Variants in FAM135B observed in about 807,000 individuals in gnomAD.
The protein encoded by FAM135B is protein FAM135B.
In FAM135B, 43 loss-of-function variants were observed where a neutral mutation model predicts 127.7. The observed-to-expected ratio is 0.34, with a 90% CI of 0.26 to 0.43. The LOEUF is 0.43. Ranked by LOEUF, FAM135B falls within the 20% of genes least tolerant of loss-of-function variation. The pLI is 1.00. For synonymous variants in FAM135B, 670 were observed against 665.1 expected, an observed-to-expected ratio of 1.01 and a Z score of -0.11; for missense variants, 1,558 against 1,725.6, an observed-to-expected ratio of 0.90 and a Z score of 1.72.
chr8:138,336,397 A>G (rs1214806813), intron 2 of FAM135B, among the ~76,000 whole-genome samples: 1 of 152,212 alleles, frequency 6.6e-6, no homozygotes, highest in Non-Finnish European at 1.5e-5. Flanking sequence ...AGAATCAAAT[A>G]GACGCAATAA....
chr8:138,421,903 C>A (rs1222122033), intron 1 of FAM135B, among the ~76,000 whole-genome samples: 1 of 152,096 alleles, frequency 6.6e-6, no homozygotes, highest in Admixed American at 6.5e-5. Context: ...GCTACAGAAA[C>A]CAAAACAGCA....
chr8:138,152,542 T>C lies in FAM135B; in HGVS notation c.1933A>G (p.Ser645Gly), dbSNP rs756192058. The C allele has an allele frequency of 3.3e-5, 53 of 1,614,048 alleles. No individual in the cohort carries two copies. The highest frequency in any genetic ancestry group is 4.2e-5 in the Non-Finnish European group (49 of 1,180,034). ...LTPSEPCDPL[S>G]STLREPLDIR... ...TCTAAGGGCTCCCTCAGGGTAGAAC[T>C]TAGTGGATCACAGGGCTCAGAGGGG... Residue 645 changes from serine to glycine, a missense_variant, in exon 13 of 20, where the codon AGT becomes GGT. By Grantham distance (56) the Ser-to-Gly change is moderately conservative (BLOSUM62 0). Around this residue, in one of 5 missense-constraint regions of FAM135B, gnomAD observed 923 missense variants for 865.3 expected, o/e 1.07. Transcript: ENST00000395297.
chr8:138,394,397 C>G (rs1832751357), intron 1 of FAM135B, among the ~76,000 whole-genome samples: 2 of 152,112 alleles, frequency 1.3e-5, no homozygotes, highest in South Asian at 4.1e-4. Flanking sequence ...ACTCTTCTCC[C>G]CATTTGACTG....
At chr8:138,153,625 C>G (rs1818399852) in intron 12 of FAM135B, among the ~76,000 whole-genome samples, 1 of 152,214 alleles carries the variant, frequency 6.6e-6, no homozygotes, top group African/African-American at 2.4e-5. Context: ...GCAAACGGCA[C>G]ACCAGGAGAT....
chr8:138,300,570 A>G (rs1563873185), intron 3 of FAM135B, among the ~76,000 whole-genome samples: 2 of 152,148 alleles, frequency 1.3e-5, no homozygotes, highest in East Asian at 3.9e-4. Context: ...ATTTCTTCTT[A>G]TAACTGTTAA....
At chr8:138,266,384 T>A (rs1023947417) in intron 3 of FAM135B, among the ~76,000 whole-genome samples, 1 of 152,014 alleles carries the variant, frequency 6.6e-6, no homozygotes, top group Non-Finnish European at 1.5e-5. Context: ...TTTAAAGGAA[T>A]TGGTTTAGCT....
chr8:138,281,585 C>T (rs1401183992), intron 3 of FAM135B, among the ~76,000 whole-genome samples: 1 of 152,078 alleles, frequency 6.6e-6, no homozygotes, highest in Non-Finnish European at 1.5e-5. Context: ...TGTTCCACTC[C>T]TCCCCCTTGA....
At chr8:138,426,118 A>ATGTG (rs36037032) in intron 1 of FAM135B, among the ~76,000 whole-genome samples, 38 of 120,044 alleles carry the variant, frequency 3.2e-4, no homozygotes, top group African/African-American at 1.2e-3. Context: ...ATATACACAT[A>ATGTG]TGTGTGTGTG....
intron 19 of FAM135B, among the ~76,000 whole-genome samples, chr8:138,134,617 T>C (rs2130510369): frequency 6.6e-6 from 1 of 152,270 alleles, no homozygotes; most frequent in African/African-American, 2.4e-5. Flanking sequence ...GAAGGTTATG[T>C]GAAGTCAGAG....
In FAM135B at chr8:138,497,190, A is replaced by G. The variant is rs1815430993; in HGVS notation, c.-539T>C. The stretch of plus-strand genomic sequence containing the variant: ...CGCCGCGCGCCCTCGCGGCCGGGAG[A>G]GCCCGCCCTGCTGCTCCCGCTGGCT... On this transcript the variant is annotated 5_prime_UTR_variant, in exon 1 of 20. Coordinates refer to ENST00000395297, the MANE Select transcript of FAM135B (RefSeq NM_015912.4). Among the ~76,000 whole-genome samples, 1 of 150,758 alleles carries G rather than the reference A, an allele frequency of 6.6e-6. No homozygotes were observed. Among genetic ancestry groups the G allele is most frequent in the Non-Finnish European group, 1.5e-5 (1 of 67,644 alleles).
chr8:138,334,945 T>C (rs539878932), intron 2 of FAM135B, among the ~76,000 whole-genome samples: 1 of 152,350 alleles, frequency 6.6e-6, no homozygotes, highest in South Asian at 2.1e-4. Flanking sequence ...CAGAATCTTA[T>C]TTTTGTTTAA....
intron 7 of FAM135B, among the ~76,000 whole-genome samples, chr8:138,230,325 C>A (rs1230057470): frequency 6.6e-6 from 1 of 152,140 alleles, no homozygotes; most frequent in Non-Finnish European, 1.5e-5. Context: ...GTGATGGGTG[C>A]TGGGTTGGCA....
At chr8:138,363,505 T>G in intron 2 of FAM135B, among the ~76,000 whole-genome samples, 1 of 152,162 alleles carries the variant, frequency 6.6e-6, no homozygotes, top group Admixed American at 6.5e-5. Flanking sequence ...GCATGAGTCT[T>G]ACTGCTGAAT....
Position 138,422,598 on chromosome 8 carries a change from A to C in FAM135B, c.-19-54596T>G, listed in dbSNP as rs1381808642. 2.6e-5 allele frequency among the ~76,000 whole-genome samples: 4 copies of C among 152,216 alleles called. No individual in the cohort carries two copies. The East Asian group carries it at 7.7e-4, about 29-fold the overall frequency. On this transcript the variant is annotated intron_variant, in intron 1 of 19. Transcript: ENST00000395297. ...ACACCAGTCAGAATGGCTACAATTAAAAAGTCAAAAAATAACAGAAAAAGG... is the reference window on the plus strand; with the variant it reads ...ACACCAGTCAGAATGGCTACAATTACAAAGTCAAAAAATAACAGAAAAAGG...
At chr8:138,216,927 G>T (rs566353932) in intron 7 of FAM135B, among the ~76,000 whole-genome samples, 1 of 152,184 alleles carries the variant, frequency 6.6e-6, no homozygotes. Context: ...CCAGGGCTTT[G>T]GGCTGTGGAG....
chr8:138,197,772 T>C, intron 7 of FAM135B, 103 bp from the exon 8 acceptor site: 31 of 1,345,624 alleles, frequency 2.3e-5, no homozygotes, highest in Non-Finnish European at 3.2e-5. Flanking sequence ...CACAAAATGT[T>C]TGGAGGTTCA....
At chr8:138,388,328 A>G (rs1832340613) in intron 1 of FAM135B, among the ~76,000 whole-genome samples, 1 of 152,208 alleles carries the variant, frequency 6.6e-6, no homozygotes, top group African/African-American at 2.4e-5. Context: ...TTTGGAAGAC[A>G]TTTTGACAGT....
chr8:138,467,291 T>A (rs894054775), intron 1 of FAM135B, among the ~76,000 whole-genome samples: 1 of 152,174 alleles, frequency 6.6e-6, no homozygotes, highest in Non-Finnish European at 1.5e-5. Flanking sequence ...ATTTCAAACA[T>A]CTCGGAGGCA....
At chr8:138,207,684 T>A (rs776827168) in intron 7 of FAM135B, among the ~76,000 whole-genome samples, 95 of 152,290 alleles carry the variant, frequency 6.2e-4, no homozygotes, top group South Asian at 1.2e-3. Flanking sequence ...AATTTTCCAC[T>A]CTTAAAGTCT....
Sources: allele counts gnomAD v4.1 joint callset (sites outside exome capture counted in the v4.1 genomes callset), GRCh38; gene constraint gnomAD v4.1.1; regional missense constraint gnomAD v4.1.1; transcripts MANE v1.5; gene names NCBI Gene and HGNC (gene_info 2026-07-23, HGNC 2026-07-21).